Variants in LRFN5 observed in about 807,000 individuals in gnomAD.
LRFN5 encodes the protein leucine-rich repeat and fibronectin type-III domain-containing protein 5.
Under a neutral mutation model 45.6 loss-of-function variants are expected in LRFN5, and 24 were observed. The observed-to-expected ratio is 0.53, with a 90% confidence interval of 0.38 to 0.74. The LOEUF (loss-of-function observed/expected upper bound fraction) is 0.74, where lower values mean the gene tolerates loss of function less well. Ranked by LOEUF, LRFN5 falls within the 30% of genes least tolerant of loss-of-function variation. The pLI, the probability that LRFN5 is intolerant of heterozygous loss-of-function variation, is 0.00. For synonymous variants in LRFN5, 340 were observed against 313.8 expected, an observed-to-expected ratio of 1.08 and a Z score of -0.88; for missense variants, 776 against 861.5, an observed-to-expected ratio of 0.90 and a Z score of 1.24.
chr14:41,675,490 G>A, intron 1 of LRFN5, among the ~76,000 whole-genome samples: 1 of 152,184 alleles, frequency 6.6e-6, no homozygotes, highest in East Asian at 1.9e-4. Context: ...GCAATCGCAG[G>A]CACTCGGCAG....
chr14:41,750,297 A>C (rs1368592564), intron 1 of LRFN5, among the ~76,000 whole-genome samples: 2 of 137,056 alleles, frequency 1.5e-5, no homozygotes, highest in Non-Finnish European at 3.2e-5. Context: ...ATATATATAT[A>C]AGATTTTTTA....
intron 1 of LRFN5, among the ~76,000 whole-genome samples, chr14:41,742,484 TA>T (rs1422472931): frequency 6.6e-6 from 1 of 152,192 alleles, no homozygotes; most frequent in South Asian, 2.1e-4. Flanking sequence ...ATGTAATATC[TA>T]AAAAACTTGA....
chr14:41,676,150 C>G (rs1484751486), intron 1 of LRFN5, among the ~76,000 whole-genome samples: 1 of 152,200 alleles, frequency 6.6e-6, no homozygotes, highest in Admixed American at 6.5e-5. Context: ...CAGCAAATGC[C>G]CCTTCAATGA....
At chr14:41,622,276 A>G (rs1888163471) in intron 1 of LRFN5, among the ~76,000 whole-genome samples, 1 of 152,106 alleles carries the variant, frequency 6.6e-6, no homozygotes, top group African/African-American at 2.4e-5. Context: ...ATTTCTTAGC[A>G]AATTTTGTTA....
At chr14:41,697,492 T>C (rs1264428104) in intron 1 of LRFN5, among the ~76,000 whole-genome samples, 3 of 151,834 alleles carry the variant, frequency 2.0e-5, no homozygotes, top group African/African-American at 7.2e-5. Context: ...TCTTCGAGTT[T>C]GGTCAATTTT....
chr14:41,716,137 C>T (rs201194034), intron 1 of LRFN5, among the ~76,000 whole-genome samples: 2 of 152,148 alleles, frequency 1.3e-5, no homozygotes, highest in Admixed American at 6.5e-5. Context: ...GCACACAGCA[C>T]GGGGACCCTG....
chr14:41,735,911 C>T (rs1884410148), intron 1 of LRFN5, among the ~76,000 whole-genome samples: 1 of 152,096 alleles, frequency 6.6e-6, no homozygotes, highest in African/African-American at 2.4e-5. Flanking sequence ...CAGCTTCATC[C>T]ATGTCTCTGA....
At chr14:41,642,251 A>C (rs1879612644) in intron 1 of LRFN5, among the ~76,000 whole-genome samples, 1 of 152,178 alleles carries the variant, frequency 6.6e-6, no homozygotes, top group Non-Finnish European at 1.5e-5. Context: ...ATTGGACCAC[A>C]AAGTACAATC....
chr14:41,763,794 T>G (rs930128093), intron 1 of LRFN5, among the ~76,000 whole-genome samples: 1 of 152,196 alleles, frequency 6.6e-6, no homozygotes, highest in Non-Finnish European at 1.5e-5. Flanking sequence ...CATTAAATGT[T>G]TTTCCTTTAT....
intron 2 of LRFN5, among the ~76,000 whole-genome samples, chr14:41,778,011 TG>T (rs71102200): frequency 0.049 from 5,458 of 112,474 alleles, 228 homozygotes; most frequent in African/African-American, 0.11. Context: ...TTTTTTTTGG[TG>T]GGGGGGGGGG....
intron 1 of LRFN5, among the ~76,000 whole-genome samples, chr14:41,643,495 G>A (rs1879675870): frequency 6.6e-6 from 1 of 152,078 alleles, no homozygotes; most frequent in Non-Finnish European, 1.5e-5. Context: ...AACCATGTGT[G>A]TTAGCTTCTA....
chr14:41,714,615 C>G (rs1883414429), intron 1 of LRFN5, among the ~76,000 whole-genome samples: 1 of 151,996 alleles, frequency 6.6e-6, no homozygotes, highest in Non-Finnish European at 1.5e-5. Flanking sequence ...GTCAAAGATG[C>G]TAAAAATCAG....
At chr14:41,783,359 T>A (rs769847925) in intron 2 of LRFN5, among the ~76,000 whole-genome samples, 1 of 152,138 alleles carries the variant, frequency 6.6e-6, no homozygotes, top group Non-Finnish European at 1.5e-5. Flanking sequence ...ATGCTGTCTG[T>A]ATCTCTCTGG....
At chr14:41,734,172 C>T (rs559660025) in intron 1 of LRFN5, among the ~76,000 whole-genome samples, 28 of 144,030 alleles carry the variant, frequency 1.9e-4, no homozygotes, top group Non-Finnish European at 4.0e-4. Context: ...ATTACAGGTG[C>T]GCACCAATTT....
chr14:41,828,234 C>A (rs889406517), intron 2 of LRFN5, among the ~76,000 whole-genome samples: 9 of 151,918 alleles, frequency 5.9e-5, no homozygotes, highest in African/African-American at 2.2e-4. Flanking sequence ...AATACAACTT[C>A]TTCTTAAGTT....
At chr14:41,646,262 C>G (rs1879814501) in intron 1 of LRFN5, among the ~76,000 whole-genome samples, 1 of 152,018 alleles carries the variant, frequency 6.6e-6, no homozygotes, top group Non-Finnish European at 1.5e-5. Flanking sequence ...ATCTCCTATC[C>G]CATTGATTGG....
intron 1 of LRFN5, among the ~76,000 whole-genome samples, chr14:41,756,924 G>T (rs1350409510): frequency 2.0e-5 from 3 of 151,012 alleles, no homozygotes; most frequent in Admixed American, 2.0e-4. Flanking sequence ...GTGACGTACA[G>T]ATGGGGTTTT....
At chr14:41,866,469 ACTGG>A (rs1310855018) in intron 2 of LRFN5, among the ~76,000 whole-genome samples, 14 of 152,128 alleles carry the variant, frequency 9.2e-5, no homozygotes, top group African/African-American at 3.4e-4. Flanking sequence ...AGATAAAATC[ACTGG>A]CAGAGAAGAA....
chr14:41,769,024 C>G lies in LRFN5; in HGVS notation c.-21+1995C>G, dbSNP rs534990800. Among the ~76,000 whole-genome samples the G allele has an allele frequency of 2.0e-5, 3 of 151,520 alleles. No individual in the cohort carries two copies. The South Asian group carries it at 6.2e-4, about 32-fold the overall frequency. ...GTGTAGAAGTAGTACCTCATGTTCT[C>G]TATTTTTTCTTTGGAGTAACATTAG... On this transcript the variant is annotated intron_variant, in intron 2 of 5. Coordinates refer to ENST00000298119, the MANE Select transcript of LRFN5 (RefSeq NM_152447.5).
Sources: gnomAD v4.1 joint callset for allele counts (sites outside exome capture counted in the v4.1 genomes callset) on GRCh38, gnomAD v4.1.1 for gene constraint, MANE v1.5 for transcripts, NCBI Gene and HGNC (gene_info 2026-07-23, HGNC 2026-07-21) for gene names.